The following FAM184A variants were observed in gnomAD, a reference collection of about 807,000 sequenced individuals.
The protein encoded by FAM184A is protein FAM184A.
A neutral mutation model predicts 143.8 loss-of-function variants in FAM184A; 99 were observed. That is an observed-to-expected ratio of 0.69 (90% confidence interval 0.58 to 0.81). The LOEUF is 0.81. FAM184A is among the 40% of genes least tolerant of loss of function. The pLI is 0.00. For synonymous variants in FAM184A, 427 were observed against 446.4 expected (o/e 0.96, Z 0.55); for missense variants, 1,217 against 1,310.5 (o/e 0.93, Z 1.10).
intron 1 of FAM184A, among the ~76,000 whole-genome samples, chr6:119,126,468 C>T (rs1176760861): frequency 1.3e-5 from 2 of 152,204 alleles, no homozygotes; most frequent in Non-Finnish European, 2.9e-5. Flanking sequence ...TTGCTTGGAT[C>T]CACTGCACTC....
chr6:118,967,746 G>A (rs1183760408), intron 14 of FAM184A, among the ~76,000 whole-genome samples: 5 of 152,114 alleles, frequency 3.3e-5, no homozygotes. Context: ...TTTAGAAAAT[G>A]CAAATACTTA....
chr6:118,965,201 G>GTTTTTTTTTT (rs1304097783), intron 15 of FAM184A, among the ~76,000 whole-genome samples: 2 of 41,796 alleles, frequency 4.8e-5, no homozygotes, highest in African/African-American at 9.0e-5. Context: ...AGTTTTTTTT[G>GTTTTTTTTTT]TTTGTTTTTT....
rs550781531 is a variant in FAM184A at position 118,985,461 on chromosome 6, G to A, written c.2089-5111C>T. On this transcript the variant is annotated intron_variant, in intron 9 of 17. Coordinates refer to ENST00000338891, the MANE Select transcript of FAM184A (RefSeq NM_024581.6). ...TTAATGATGTTTAATAATTTTTCCA[G>A]TAGAGGGGCCAGCCAGTTTGTGTTT... 8.1e-4 allele frequency among the ~76,000 whole-genome samples: 124 copies of A among 152,336 alleles called. 1 individual carries two copies. The highest frequency in any genetic ancestry group is 1.5e-3 in the Non-Finnish European group (99 of 68,032).
At position 119,024,412 on chromosome 6, in the gene FAM184A, C is replaced by G. The variant is rs544678653; in HGVS notation, c.561G>C (p.Leu187Phe). The change falls in exon 2 of 18, where the codon TTG becomes TTC. Residue 187 changes from leucine (L) to phenylalanine (F), a missense_variant. By Grantham distance (22) the Leu-to-Phe change is conservative. Transcript: ENST00000338891. The stretch of plus-strand genomic sequence containing the variant: ...GTCTGTGAGCAGCTTGCAAGTCTTC[C>G]AATGCCAATCGTTTGTCTTTTTCAA... ...VQFEKDKRLALEDLQAAHRRE... is the reference protein window; with the variant it reads ...VQFEKDKRLAFEDLQAAHRRE... 1.9e-6 allele frequency: 3 copies of G among 1,614,176 alleles called. No individual in the cohort carries two copies. In the Admixed American group the frequency reaches 5.0e-5, roughly 27 times the overall value.
At chr6:119,115,462 C>T (rs923946796) in intron 1 of FAM184A, among the ~76,000 whole-genome samples, 3 of 152,176 alleles carry the variant, frequency 2.0e-5, no homozygotes, top group African/African-American at 7.2e-5. Flanking sequence ...GAGGCCAAGG[C>T]AGGAGGATAG....
intron 1 of FAM184A, among the ~76,000 whole-genome samples, chr6:119,038,114 T>C (rs1275298742): frequency 1.3e-5 from 2 of 151,622 alleles, no homozygotes; most frequent in African/African-American, 4.9e-5. Flanking sequence ...TAACAGGAGG[T>C]TGTTTTCTAG....
chr6:118,990,588 G>C (rs1562463594), intron 9 of FAM184A, among the ~76,000 whole-genome samples: 10 of 151,228 alleles, frequency 6.6e-5, no homozygotes, highest in Admixed American at 1.3e-4. Context: ...TACTAATTAG[G>C]CACATGGTGG....
intron 1 of FAM184A, chr6:119,025,415 T>C (rs775435186): frequency 3.9e-6 from 2 of 517,918 alleles, no homozygotes; most frequent in East Asian, 5.4e-5. Context: ...GATCTCTTTA[T>C]AAAATCCAAT....
intron 1 of FAM184A, among the ~76,000 whole-genome samples, chr6:119,134,508 G>C (rs999239336): frequency 2.0e-5 from 3 of 151,938 alleles, no homozygotes; most frequent in African/African-American, 7.3e-5. Context: ...AAGTAAATTA[G>C]CTGGGCATGG....
intron 6 of FAM184A, among the ~76,000 whole-genome samples, chr6:119,009,311 T>G (rs1785021103): frequency 6.6e-6 from 1 of 152,172 alleles, no homozygotes; most frequent in Non-Finnish European, 1.5e-5. Flanking sequence ...AATTCCCATA[T>G]GTTGAGGGAG....
intron 11 of FAM184A, among the ~76,000 whole-genome samples, chr6:118,976,677 A>T (rs377637652): frequency 6.7e-6 from 1 of 149,558 alleles, no homozygotes; most frequent in Non-Finnish European, 1.5e-5. Flanking sequence ...AAAAAAAAAA[A>T]GAATGAAATT....
At position 119,006,432 on chromosome 6, in the gene FAM184A, G is replaced by A. The variant is rs767869655; in HGVS notation, c.1815+15C>T. ...TTTTGCCGCTGTTTAGATTGCAGTA[G>A]AATTATGAAATTACCTCCACATTTA... is the stretch of plus-strand genomic sequence containing the variant. On this transcript the variant is annotated intron_variant, in intron 7 of 17. Transcript: ENST00000338891. 12 of 1,605,344 alleles carry A rather than the reference G, an allele frequency of 7.5e-6. No individual in the cohort carries two copies. The highest frequency in any genetic ancestry group is 1.0e-5 in the Non-Finnish European group (12 of 1,176,646).
chr6:119,119,254 C>T (rs910266369), intron 1 of FAM184A, among the ~76,000 whole-genome samples: 2 of 152,248 alleles, frequency 1.3e-5, no homozygotes, highest in African/African-American at 4.8e-5. Context: ...CGCCCTGCCT[C>T]CATTTGCCTT....
chr6:119,065,887 G>C (rs1350400331), intron 1 of FAM184A, among the ~76,000 whole-genome samples: 3 of 152,184 alleles, frequency 2.0e-5, no homozygotes, highest in Non-Finnish European at 4.4e-5. Context: ...TGCCAAGGGT[G>C]ATCTATTTAA....
upstream of FAM184A, among the ~76,000 whole-genome samples, chr6:119,079,470 C>G (rs906491277): frequency 6.6e-6 from 1 of 152,224 alleles, no homozygotes; most frequent in Non-Finnish European, 1.5e-5. Context: ...ATAACTTGTG[C>G]ATTTTCGCCT....
At chr6:118,998,652 T>A (rs977755439) in intron 9 of FAM184A, among the ~76,000 whole-genome samples, 3 of 152,154 alleles carry the variant, frequency 2.0e-5, no homozygotes, top group African/African-American at 7.2e-5. Flanking sequence ...GCTGTGCAGA[T>A]CTCTAGAAAG....
At chr6:119,147,308 G>A (rs571969796) in intron 1 of FAM184A, among the ~76,000 whole-genome samples, 358 of 125,604 alleles carry the variant, frequency 2.9e-3, no homozygotes, top group Middle Eastern at 0.028. Flanking sequence ...ATACAACCTG[G>A]TATTAACCGC....
At chr6:119,096,136 A>T (rs538316402) in intron 1 of FAM184A, among the ~76,000 whole-genome samples, 2 of 152,232 alleles carry the variant, frequency 1.3e-5, no homozygotes, top group East Asian at 1.9e-4. Flanking sequence ...GTACCAGGGG[A>T]AAAAGGGTAC....
chr6:119,040,084 A>G (rs1786265531), intron 1 of FAM184A, among the ~76,000 whole-genome samples: 1 of 152,186 alleles, frequency 6.6e-6, no homozygotes, highest in Admixed American at 6.5e-5. Context: ...TAATCTTCAT[A>G]TGCCTGCGTG....
Sources: allele counts gnomAD v4.1 joint callset (sites outside exome capture counted in the v4.1 genomes callset), GRCh38; gene constraint gnomAD v4.1.1; transcripts MANE v1.5; gene names NCBI Gene and HGNC (gene_info 2026-07-23, HGNC 2026-07-21).